PKM: variants seen among roughly 807,000 people sequenced by gnomAD.
PKM encodes the protein pyruvate kinase PKM.
A neutral mutation model predicts 49.8 loss-of-function variants in PKM; 18 were observed. The ratio of observed to expected loss-of-function variants is 0.36; its 90% CI spans 0.25 to 0.54. The LOEUF is 0.54. PKM is among the 20% of genes least tolerant of loss of function. The pLI is 0.89. For missense variants in PKM, 508 were observed against 713.8 expected (o/e 0.71, Z 3.28); for synonymous variants, 239 against 261.8 (o/e 0.91, Z 0.84).
chr15:72,217,341 G>T, intron 3 of PKM, 68 bp downstream of exon 3: 1 of 959,306 alleles, frequency 1.0e-6, no homozygotes, highest in South Asian at 1.3e-5. Flanking sequence ...GTGGCTAAAC[G>T]AACACTGCAC....
At chr15:72,230,508 G>A (rs1264365072) in intron 1 of PKM, among the ~76,000 whole-genome samples, 1 of 152,176 alleles carries the variant, frequency 6.6e-6, no homozygotes, top group Non-Finnish European at 1.5e-5. Flanking sequence ...GGCGAGGAAG[G>A]GGATGCGGGG....
chr15:72,199,488 AAC>A lies in PKM; in HGVS notation c.*160_*161del. On this transcript the variant is annotated 3_prime_UTR_variant, in exon 11 of 11. Coordinates refer to ENST00000335181, the MANE Select transcript of PKM (RefSeq NM_002654.6). ...GGCTGTCCCACTAGAGCAGGCTGCAAACACAGCCATGTTTCAGTGAGGCGTTG... is the reference window on the plus strand; with the variant it reads ...GGCTGTCCCACTAGAGCAGGCTGCAAACAGCCATGTTTCAGTGAGGCGTTG... 1.4e-6 allele frequency: 1 copy of A among 709,230 alleles called. No individual in the cohort carries two copies. Among genetic ancestry groups the A allele is most frequent in the Non-Finnish European group, 2.6e-6 (1 of 384,972 alleles). 43.9% of individuals were successfully genotyped at this position (709,230 alleles called of 1,614,324 possible). A position where few individuals can be genotyped will look rare whatever the true frequency, so the allele number is the denominator to read the frequency against.
At position 72,200,703 on chromosome 15, in the gene PKM, C is replaced by T; in HGVS notation, c.1308-48G>A. On this transcript the variant is annotated intron_variant, in intron 9 of 10. Coordinates refer to ENST00000335181, the MANE Select transcript of PKM (RefSeq NM_002654.6). This position sits in a 1 kb window ranked among gnomAD's most constrained non-coding sequence, Gnocchi z 4.6. ...CAGAAGAGACCATTACACGAGGCCC[C>T]AGGAAGTACCCTCAGGGCGTTCAAA... 3.3e-6 allele frequency: 5 copies of T among 1,531,826 alleles called. No individual in the cohort carries two copies. Among genetic ancestry groups the T allele is most frequent in the Non-Finnish European group, 4.5e-6 (5 of 1,114,660 alleles). The allele number at this position is 1,531,826 out of a possible 1,614,324, so 94.9% of individuals were successfully genotyped here. A position where few individuals can be genotyped will look rare whatever the true frequency, so the allele number is the denominator to read the frequency against.
At chr15:72,210,305 T>A (rs373066537) in intron 4 of PKM, 42 bp downstream of exon 4, 1 of 1,606,280 alleles carries the variant, frequency 6.2e-7, no homozygotes, top group African/African-American at 1.3e-5. Context: ...CTGGGGCATA[T>A]TGCCTACTGA....
At position 72,199,206 on chromosome 15, in the gene PKM, A is replaced by G. The variant is rs566347711; in HGVS notation, c.*444T>C. The G allele has an allele frequency of 5.6e-6, 2 of 357,214 alleles. No individual in the cohort carries two copies. The highest frequency in any genetic ancestry group is 1.1e-5 in the Non-Finnish European group (2 of 181,346). The allele number at this position is 357,214 out of a possible 1,614,324, so 22.1% of individuals were successfully genotyped here. On this transcript the variant is annotated 3_prime_UTR_variant, in exon 11 of 11. Coordinates refer to ENST00000335181, the MANE Select transcript of PKM (RefSeq NM_002654.6). ...GCCTAGAGAGCTAGAGAAGCAAGTA[A>G]GGGCCAGGGCCAGAGTCGGCTTCAA...
rs896860901 is a variant in PKM at position 72,231,144 on chromosome 15, T to G, written c.-42A>C. The G allele has an allele frequency of 5.1e-5, 16 of 314,068 alleles. No individual in the cohort carries two copies. Among genetic ancestry groups the G allele is most frequent in the African/African-American group, 2.4e-4 (11 of 45,722 alleles). 19.5% of individuals were successfully genotyped at this position (314,068 alleles called of 1,614,324 possible). ...CGGCGCTGACCGACTCGGGCTACGC[T>G]GCAAAGACGAAGAGATCCGGAGCCA... On this transcript the variant is annotated 5_prime_UTR_variant, in exon 1 of 11. Transcript: ENST00000335181.
At chr15:72,227,294 G>A (rs151333470) in intron 1 of PKM, among the ~76,000 whole-genome samples, 211 of 152,318 alleles carry the variant, frequency 1.4e-3, no homozygotes, top group African/African-American at 4.5e-3. Flanking sequence ...TGCTCACAGG[G>A]TCAACGCATT....
intron 8 of PKM, among the ~76,000 whole-genome samples, chr15:72,205,624 G>GTTTTTTTTTTTTTTTTTT (rs140232218): frequency 2.0e-5 from 2 of 99,740 alleles, no homozygotes; most frequent in African/African-American, 3.6e-5. Context: ...GGGTGTTTTA[G>GTTTTTTTTTTTTTTTTTT]TTTTTTTTTT....
rs1234716530 is a variant in PKM, at chr15:72,208,668, C to T, written c.789G>A (p.Lys263=). The change falls in exon 6 of 11, where the codon AAG becomes AAA. Residue 263 remains lysine, a synonymous_variant. Transcript: ENST00000335181. ...EVRKVLGEKG[K]NIKIISKIEN... Reference sequence around the variant, plus strand: ...CGATTTTGCTGATAATCTTGATGTTCTTTCCCTTCTCTCCCAGGACCTTCC... The same window carrying T: ...CGATTTTGCTGATAATCTTGATGTTTTTTCCCTTCTCTCCCAGGACCTTCC... 6.2e-7 allele frequency: 1 copy of T among 1,614,118 alleles called. No individual in the cohort carries two copies. The highest frequency in any genetic ancestry group is 2.2e-5 in the East Asian group (1 of 44,866).
At chr15:72,224,080 TGAA>T (rs2082597944) in intron 1 of PKM, among the ~76,000 whole-genome samples, 1 of 152,254 alleles carries the variant, frequency 6.6e-6, no homozygotes, top group South Asian at 2.1e-4. Flanking sequence ...CAACTTCAGG[TGAA>T]GAAGCCCTAA....
chr15:72,231,165 A>G lies in PKM; in HGVS notation c.-63T>C, dbSNP rs898013982. 6.9e-6 allele frequency: 2 copies of G among 288,702 alleles called. No individual in the cohort carries two copies. The highest frequency in any genetic ancestry group is 1.5e-5 in the Non-Finnish European group (2 of 137,460). 17.9% of individuals were successfully genotyped at this position (288,702 alleles called of 1,614,324 possible). On this transcript the variant is annotated 5_prime_UTR_variant, in exon 1 of 11. Coordinates refer to ENST00000335181, the MANE Select transcript of PKM (RefSeq NM_002654.6). ...ACGCTGCAAAGACGAAGAGATCCGG[A>G]GCCACGGCGCGTGCAGCTGCTGTGC...
chr15:72,208,752 C>T lies in PKM; in HGVS notation c.705G>A (p.Gln235=). The change falls in exon 6 of 11, where the codon CAG becomes CAA. Residue 235 remains glutamine, a synonymous_variant. Coordinates refer to ENST00000335181, the MANE Select transcript of PKM (RefSeq NM_002654.6). ...DIQDLKFGVE[Q]DVDMVFASFI... is the part of the protein sequence containing the mutation. The stretch of plus-strand genomic sequence containing the variant: ...ATGACGCAAACACCATATCAACATC[C>T]TGCTCGACCCCAAACTTCAGATCCT... 2 of 1,614,208 alleles carry T rather than the reference C, an allele frequency of 1.2e-6. No individual in the cohort carries two copies. Among genetic ancestry groups the T allele is most frequent in the Non-Finnish European group, 1.7e-6 (2 of 1,180,046 alleles).
At chr15:72,212,707 A>T (rs931293524) in intron 3 of PKM, among the ~76,000 whole-genome samples, 4 of 152,184 alleles carry the variant, frequency 2.6e-5, no homozygotes, top group Admixed American at 1.3e-4. Context: ...TCACGTGGAT[A>T]AGAGTTCCAC....
Position 72,208,911 on chromosome 15 carries a change from T to C in PKM, c.566-20A>G, listed in dbSNP as rs757004105. 3.7e-6 allele frequency: 6 copies of C among 1,610,658 alleles called. No homozygotes were observed. In the South Asian group the frequency reaches 4.4e-5, roughly 12 times the overall value. The stretch of plus-strand genomic sequence containing the variant: ...CGGCACCTGTATGAAAAAGGGTAAG[T>C]AGGGGAGGCAGAGCACGAGGGCACA... On this transcript the variant is annotated intron_variant, in intron 5 of 10. Coordinates refer to ENST00000335181, the MANE Select transcript of PKM (RefSeq NM_002654.6).
intron 6 of PKM, among the ~76,000 whole-genome samples, 187 bp downstream of exon 6, chr15:72,208,426 AAAAAAAAC>A (rs909125104): frequency 3.3e-5 from 5 of 150,632 alleles, no homozygotes; most frequent in Middle Eastern, 3.4e-3. Context: ...GCTTTTTTTT[AAAAAAAAC>A]AAAAAAACAA....
At chr15:72,221,120 G>A (rs2082509738) in intron 1 of PKM, 1 of 1,048,558 alleles carries the variant, frequency 9.5e-7, no homozygotes, top group Non-Finnish European at 1.4e-6. Context: ...GAGATATGAG[G>A]GTCTTCCTGT....
chr15:72,210,201 T>C, intron 4 of PKM, 146 bp downstream of exon 4: 1 of 851,120 alleles, frequency 1.2e-6, no homozygotes, highest in Non-Finnish European at 1.9e-6. Context: ...TTTACAGTGA[T>C]GAATAAATCC....
intron 3 of PKM, among the ~76,000 whole-genome samples, chr15:72,216,606 G>A (rs778610961): frequency 4.1e-4 from 63 of 152,142 alleles, no homozygotes; most frequent in Non-Finnish European, 7.5e-4. Flanking sequence ...CTGGATGACA[G>A]AGCAAAATTT....
chr15:72,202,404 G>A lies in PKM; in HGVS notation c.1307+50C>T, dbSNP rs746655704. The A allele has an allele frequency of 3.8e-6, 6 of 1,571,430 alleles. No homozygotes were observed. In the South Asian group the frequency reaches 5.7e-5, roughly 15 times the overall value. ...ATGGACTGCTCCCAGGACCCCCAAG[G>A]TGAGGTACCACTGAGCAGGGCATTC... is the stretch of plus-strand genomic sequence containing the variant. On this transcript the variant is annotated intron_variant, in intron 9 of 10. Transcript: ENST00000335181. This position sits in a 1 kb window ranked among gnomAD's most constrained non-coding sequence, Gnocchi z 4.5.
Sources: gnomAD v4.1 joint callset for allele counts (sites outside exome capture counted in the v4.1 genomes callset) on GRCh38, gnomAD v4.1.1 for gene constraint, Gnocchi (gnomAD v3.1) non-coding constraint, MANE v1.5 for transcripts, NCBI Gene and HGNC (gene_info 2026-07-23, HGNC 2026-07-21) for gene names.